The following XK variants were observed in gnomAD, a reference collection of about 807,000 sequenced individuals.
XK encodes the protein X-linked Kx blood group antigen, Kell and VPS13A binding protein.
In XK, 2 loss-of-function variants were observed where a neutral mutation model predicts 14.0. The observed-to-expected ratio is 0.14, with a 90% CI of 0.06 to 0.45. The LOEUF is 0.45. XK is among the 20% of genes least tolerant of loss of function. The pLI, the probability that XK is intolerant of heterozygous loss-of-function variation, is 0.98. For synonymous variants in XK, 149 were observed against 147.5 expected (o/e 1.01, Z -0.08); for missense variants, 235 against 341.5 (o/e 0.69, Z 2.46).
chrX:37,688,750 A>C lies in XK; in HGVS notation c.245+2544A>C, dbSNP rs781921899. 6.1e-4 allele frequency among the ~76,000 whole-genome samples: 68 copies of C among 111,843 alleles called. 1 individual carries two copies. The highest frequency in any genetic ancestry group is 1.1e-3 in the Admixed American group (12 of 10,546). ...TTGCTGCCATTTAAAGTGTTTCTAA[A>C]CACGAAGAGTAACCCAAGACAAAGC... On this transcript the variant is annotated intron_variant, in intron 1 of 2. Transcript: ENST00000378616.
intron 2 of XK, among the ~76,000 whole-genome samples, chrX:37,718,282 C>T (rs1184731744): frequency 2.7e-5 from 3 of 111,133 alleles, no homozygotes; most frequent in African/African-American, 6.5e-5. Flanking sequence ...AGCAGAAAGC[C>T]GACTTCTCAC....
chrX:37,686,160 C>G lies in XK; in HGVS notation c.199C>G (p.Pro67Ala). The change falls in exon 1 of 3, where the codon CCG (proline) becomes GCG (alanine). Residue 67 changes from proline (P) to alanine (A), a missense_variant. Transcript: ENST00000378616. ...ACACCGCGACCTCAGCCGCGACCGC[C>G]CGCTCGTACTGCTGCTGCACCTGCT... ...FVHRDLSRDR[P>A]LVLLLHLLQL... is the part of the protein sequence containing the mutation. 2 of 1,209,303 alleles carry G rather than the reference C, an allele frequency of 1.7e-6. No homozygotes were observed. Among genetic ancestry groups the G allele is most frequent in the Non-Finnish European group, 2.2e-6 (2 of 894,557 alleles).
At chrX:37,698,122 C>T (rs1225810044) in intron 2 of XK, among the ~76,000 whole-genome samples, 1 of 111,797 alleles carries the variant, frequency 8.9e-6, no homozygotes, top group African/African-American at 3.3e-5. Context: ...TGTGAAGGCC[C>T]CTGCAGCCTG....
At chrX:37,700,152 A>C (rs782768402) in intron 2 of XK, among the ~76,000 whole-genome samples, 1 of 111,534 alleles carries the variant, frequency 9.0e-6, no homozygotes, top group Non-Finnish European at 1.9e-5. Flanking sequence ...GATGGCCAAC[A>C]TCCTGGAGCA....
At chrX:37,703,152 C>T (rs1261909655) in intron 2 of XK, among the ~76,000 whole-genome samples, 1 of 112,120 alleles carries the variant, frequency 8.9e-6, no homozygotes, top group Non-Finnish European at 1.9e-5. Flanking sequence ...GATTTTAAAT[C>T]TAATGAAAAG....
rs782446923 is a variant in XK at position 37,707,255 on chromosome X, G to A, written c.508+12707G>A. On this transcript the variant is annotated intron_variant, in intron 2 of 2. Coordinates refer to ENST00000378616, the MANE Select transcript of XK (RefSeq NM_021083.4). Reference sequence around the variant, plus strand: ...TCCCGGACGGGGCGGCTGGCCGGGCGGGGGCTGACCCCCCACCTCCCTCCC... The same window carrying A: ...TCCCGGACGGGGCGGCTGGCCGGGCAGGGGCTGACCCCCCACCTCCCTCCC... Among the ~76,000 whole-genome samples, 777 of 108,438 alleles carry A rather than the reference G, an allele frequency of 7.2e-3. 5 individuals are homozygous for A. The highest frequency in any genetic ancestry group is 0.025 in the African/African-American group (754 of 29,626). 94.2% of individuals were successfully genotyped at this position (108,438 alleles called of 115,157 possible).
At chrX:37,696,692 G>A (rs1293494934) in intron 2 of XK, among the ~76,000 whole-genome samples, 1 of 112,335 alleles carries the variant, frequency 8.9e-6, no homozygotes, top group Non-Finnish European at 1.9e-5. Flanking sequence ...ACACCTAACT[G>A]TAAAGTTAAC....
At chrX:37,718,449 A>T (rs1429683358) in intron 2 of XK, among the ~76,000 whole-genome samples, 4 of 112,056 alleles carry the variant, frequency 3.6e-5, no homozygotes, top group African/African-American at 1.3e-4. Flanking sequence ...CCATTGTATG[A>T]ATATACCGCA....
intron 2 of XK, among the ~76,000 whole-genome samples, chrX:37,698,424 G>A (rs1556442935): frequency 9.2e-6 from 1 of 108,367 alleles, no homozygotes; most frequent in African/African-American, 3.4e-5. Context: ...GCAACATGGC[G>A]AGACCCCATC....
At chrX:37,697,600 G>A (rs1445248684) in intron 2 of XK, among the ~76,000 whole-genome samples, 22 of 112,218 alleles carry the variant, frequency 2.0e-4, no homozygotes, top group African/African-American at 7.1e-4. Context: ...AGCAGAGTTT[G>A]CCATGAGGGA....
intron 2 of XK, among the ~76,000 whole-genome samples, chrX:37,725,256 C>G (rs782455510): frequency 9.0e-6 from 1 of 111,539 alleles, no homozygotes; most frequent in Non-Finnish European, 1.9e-5. Context: ...ATCTAATATA[C>G]AGCATGGTGA....
Position 37,707,471 on chromosome X carries a change from G to A in XK, c.508+12923G>A, listed in dbSNP as rs1205808552. On this transcript the variant is annotated intron_variant, in intron 2 of 2. Transcript: ENST00000378616. ...AGACGGGGCGGCTGCCGGGCGCAGGGGCTCCTCACTTCTCAGACGGGGCGG... is the reference window on the plus strand; with the variant it reads ...AGACGGGGCGGCTGCCGGGCGCAGGAGCTCCTCACTTCTCAGACGGGGCGG... Among the ~76,000 whole-genome samples the A allele has an allele frequency of 3.9e-5, 4 of 102,823 alleles. No homozygotes were observed. The East Asian group carries it at 9.7e-4, about 25-fold the overall frequency. 89.3% of individuals were successfully genotyped at this position (102,823 alleles called of 115,157 possible). A position where few individuals can be genotyped will look rare whatever the true frequency, so the allele number is the denominator to read the frequency against.
rs907724468 is a variant in XK at position 37,731,389 on chromosome X, G to C, written c.*2927G>C. 5 of 110,315 alleles carry C rather than the reference G, an allele frequency of 4.5e-5. No individual in the cohort carries two copies. Among genetic ancestry groups the C allele is most frequent in the African/African-American group, 1.7e-4 (5 of 30,236 alleles). The allele number at this position is 110,315 out of a possible 1,213,427, so 9.1% of individuals were successfully genotyped here. A position where few individuals can be genotyped will look rare whatever the true frequency, so the allele number is the denominator to read the frequency against. ...ATTGCTGGAGACAGCCCAGTGTAGA[G>C]ATTGGCACTTCCCTGTCCAGCACTA... On this transcript the variant is annotated 3_prime_UTR_variant, in exon 3 of 3. Coordinates refer to ENST00000378616, the MANE Select transcript of XK (RefSeq NM_021083.4).
At chrX:37,693,949 A>G (rs1390964664) in intron 1 of XK, among the ~76,000 whole-genome samples, 1 of 112,453 alleles carries the variant, frequency 8.9e-6, no homozygotes, top group Non-Finnish European at 1.9e-5. Context: ...GGCTATGGCT[A>G]CACAGCTAGT....
intron 2 of XK, among the ~76,000 whole-genome samples, chrX:37,708,391 G>T (rs922398341): frequency 3.5e-4 from 39 of 111,861 alleles, no homozygotes; most frequent in African/African-American, 1.2e-3. Flanking sequence ...GCTGGAAAAG[G>T]CAAGAAAATG....
intron 2 of XK, among the ~76,000 whole-genome samples, chrX:37,708,883 T>A (rs1556446079): frequency 8.9e-6 from 1 of 112,532 alleles, no homozygotes; most frequent in African/African-American, 3.2e-5. Context: ...CATTTTTCTT[T>A]AGAACAGAAA....
chrX:37,711,003 G>A (rs1461993145), intron 2 of XK, among the ~76,000 whole-genome samples: 2 of 111,764 alleles, frequency 1.8e-5, no homozygotes, highest in East Asian at 5.6e-4. Flanking sequence ...AGCCTGGCAG[G>A]GGTCCTCACA....
chrX:37,715,530 A>G (rs782127588), intron 2 of XK, among the ~76,000 whole-genome samples: 1 of 111,696 alleles, frequency 9.0e-6, no homozygotes, highest in African/African-American at 3.2e-5. Flanking sequence ...CTTTTTCTGT[A>G]AAGGTATGGA....
intron 2 of XK, among the ~76,000 whole-genome samples, chrX:37,716,005 T>G (rs1344393547): frequency 9.0e-6 from 1 of 111,557 alleles, no homozygotes; most frequent in Non-Finnish European, 1.9e-5. Flanking sequence ...AGTTACTTAG[T>G]GGTACACAGC....
Sources: gnomAD v4.1 joint callset for allele counts (sites outside exome capture counted in the v4.1 genomes callset) on GRCh38, gnomAD v4.1.1 for gene constraint, MANE v1.5 for transcripts, NCBI Gene and HGNC (gene_info 2026-07-23, HGNC 2026-07-21) for gene names.